Variants in LCOR observed in about 807,000 individuals in gnomAD.
The protein encoded by LCOR is ligand dependent nuclear receptor corepressor.
Under a neutral mutation model 64.4 loss-of-function variants are expected in LCOR, and 14 were observed. The ratio of observed to expected loss-of-function variants is 0.22; its 90% CI spans 0.14 to 0.34. The LOEUF is 0.34. Among genes scored for constraint, LCOR ranks in the 10% least tolerant of loss-of-function variants. The probability of loss-of-function intolerance (pLI) is 1.00; values close to 1 mark genes in which losing one functional copy is unlikely to be tolerated. For missense variants in LCOR, 1,686 were observed against 1,765.3 expected, an observed-to-expected ratio of 0.96 and a Z score of 0.80; for synonymous variants, 643 against 642.5, an observed-to-expected ratio of 1.00 and a Z score of -0.01.
At chr10:96,896,412 A>AT (rs766607004) in intron 2 of LCOR, among the ~76,000 whole-genome samples, 2 of 151,540 alleles carry the variant, frequency 1.3e-5, no homozygotes, top group African/African-American at 4.8e-5. Flanking sequence ...AGTTTTATTT[A>AT]TTATTATTAT....
intron 2 of LCOR, among the ~76,000 whole-genome samples, chr10:96,898,888 T>A (rs1460769571): frequency 6.6e-6 from 1 of 152,184 alleles, no homozygotes; most frequent in Non-Finnish European, 1.5e-5. Context: ...TTATTATAAT[T>A]GTTAAGATAA....
intron 2 of LCOR, among the ~76,000 whole-genome samples, chr10:96,873,923 T>C (rs1455179812): frequency 1.3e-5 from 2 of 152,116 alleles, no homozygotes; most frequent in Non-Finnish European, 2.9e-5. Context: ...ATGGAGTTTT[T>C]AGAAAACCAG....
intron 2 of LCOR, among the ~76,000 whole-genome samples, chr10:96,863,424 G>A (rs1279794222): frequency 6.7e-6 from 1 of 149,956 alleles, no homozygotes; most frequent in Non-Finnish European, 1.5e-5. Flanking sequence ...GCCTGGTCTC[G>A]AACTCCTGAC....
At position 96,989,695 on chromosome 10, in the gene LCOR, A is replaced by ATATTTTT. The variant is rs1371771053; in HGVS notation, c.*4562_*4563insATTTTTT. On this transcript the variant is annotated 3_prime_UTR_variant, in exon 8 of 8. Transcript: ENST00000421806. Reference sequence around the variant, plus strand: ...TAAGGATATATATATATATATATATATTTTTTTTTTTTTTTTTTTTTTTTA... The same window carrying ATATTTTT: ...TAAGGATATATATATATATATATATATATTTTTTTTTTTTTTTTTTTTTTTTTTTTTA... The ATATTTTT allele has an allele frequency of 1.2e-5, 1 of 86,190 alleles. No individual in the cohort carries two copies. The highest frequency in any genetic ancestry group is 6.2e-5 in the African/African-American group (1 of 16,156). 5.3% of individuals were successfully genotyped at this position (86,190 alleles called of 1,614,324 possible).
At chr10:96,853,120 C>T (rs986352887) in intron 2 of LCOR, among the ~76,000 whole-genome samples, 10 of 152,036 alleles carry the variant, frequency 6.6e-5, no homozygotes, top group Non-Finnish European at 1.0e-4. Context: ...GATCTTGGCT[C>T]ACCGCACTGC....
chr10:96,875,731 G>A (rs2134412214), intron 2 of LCOR, among the ~76,000 whole-genome samples: 1 of 151,992 alleles, frequency 6.6e-6, no homozygotes, highest in South Asian at 2.1e-4. Flanking sequence ...GTGTGGTGGG[G>A]TGCCTGTATA....
intron 4 of LCOR, among the ~76,000 whole-genome samples, chr10:96,941,194 C>A (rs1383922922): frequency 2.9e-5 from 4 of 138,842 alleles, no homozygotes; most frequent in East Asian, 2.1e-4. Flanking sequence ...GGGGGCTGAC[C>A]CCCCCACCTC....
chr10:96,837,850 G>C (rs745928074), intron 2 of LCOR, among the ~76,000 whole-genome samples: 1 of 152,178 alleles, frequency 6.6e-6, no homozygotes, highest in Non-Finnish European at 1.5e-5. Context: ...GGCTTGATTT[G>C]TTTCGATGTG....
chr10:96,958,303 G>A (rs1847817652), intron 7 of LCOR: 1 of 1,493,382 alleles, frequency 6.7e-7, no homozygotes, highest in African/African-American at 1.4e-5. Flanking sequence ...TTAATCCTAT[G>A]TGGTAGTCTA....
Position 96,986,962 on chromosome 10 carries a change from AGTATT to A in LCOR, c.*1829_*1833del, listed in dbSNP as rs1462639669. Reference sequence around the variant, plus strand: ...TGATGATTGGATAAGACTGGAGAAAAGTATTTGATTTGTGAGAAATTTAGAATTGT... The same window carrying A: ...TGATGATTGGATAAGACTGGAGAAAATGATTTGTGAGAAATTTAGAATTGT... On this transcript the variant is annotated 3_prime_UTR_variant, in exon 8 of 8. Transcript: ENST00000421806. 2 of 152,204 alleles carry A rather than the reference AGTATT, an allele frequency of 1.3e-5. No homozygotes were observed. Among genetic ancestry groups the A allele is most frequent in the Non-Finnish European group, 1.5e-5 (1 of 68,048 alleles). The allele number at this position is 152,204 out of a possible 1,614,324, so 9.4% of individuals were successfully genotyped here. A position where few individuals can be genotyped will look rare whatever the true frequency, so the allele number is the denominator to read the frequency against.
At chr10:96,976,015 A>G (rs7094471) in intron 7 of LCOR, among the ~76,000 whole-genome samples, 8,344 of 152,000 alleles carry the variant, frequency 0.055, 769 homozygotes, top group African/African-American at 0.19. Flanking sequence ...AACACACAAG[A>G]CCCCGTGTAA....
chr10:96,937,151 C>G (rs751228976), intron 4 of LCOR, among the ~76,000 whole-genome samples: 15 of 152,116 alleles, frequency 9.9e-5, no homozygotes, highest in Non-Finnish European at 1.6e-4. Context: ...GACTTGGAGA[C>G]ACAGACACAC....
intron 2 of LCOR, among the ~76,000 whole-genome samples, chr10:96,877,023 A>G (rs1846179387): frequency 6.6e-6 from 1 of 152,164 alleles, no homozygotes; most frequent in South Asian, 2.1e-4. Flanking sequence ...TTGTTCAGTC[A>G]TTATTATAAT....
chr10:96,889,176 A>G (rs1846397116), intron 2 of LCOR, among the ~76,000 whole-genome samples: 1 of 152,248 alleles, frequency 6.6e-6, no homozygotes, highest in Admixed American at 6.5e-5. Flanking sequence ...TTTCCTCCAT[A>G]ATATCCTTTA....
intron 2 of LCOR, among the ~76,000 whole-genome samples, chr10:96,890,886 C>T (rs903124433): frequency 6.6e-6 from 1 of 152,168 alleles, no homozygotes; most frequent in Non-Finnish European, 1.5e-5. Flanking sequence ...ACCAGCCTTG[C>T]ATCTCTGGGA....
intron 2 of LCOR, among the ~76,000 whole-genome samples, chr10:96,885,224 C>T (rs1330284572): frequency 2.0e-5 from 3 of 152,158 alleles, no homozygotes; most frequent in African/African-American, 7.2e-5. Context: ...AACATCACTT[C>T]TCATTTGAAA....
intron 2 of LCOR, among the ~76,000 whole-genome samples, chr10:96,898,551 T>C (rs981133190): frequency 2.0e-5 from 3 of 152,152 alleles, no homozygotes; most frequent in African/African-American, 7.2e-5. Flanking sequence ...GAGATGGTGG[T>C]GTGGGAGAAT....
intron 2 of LCOR, among the ~76,000 whole-genome samples, chr10:96,905,492 A>G (rs1276017629): frequency 2.0e-5 from 3 of 151,980 alleles, no homozygotes; most frequent in Admixed American, 6.6e-5. Flanking sequence ...TGTGGGATTT[A>G]TTTATTTTTT....
At chr10:96,920,751 T>TACACACACACACACACACAC (rs55839435) in intron 4 of LCOR, among the ~76,000 whole-genome samples, 2 of 118,864 alleles carry the variant, frequency 1.7e-5, no homozygotes, top group African/African-American at 7.8e-5. Flanking sequence ...TATATATGTA[T>TACACACACACACACACACAC]ACACACACAC....
Sources: allele counts gnomAD v4.1 joint callset (sites outside exome capture counted in the v4.1 genomes callset), GRCh38; gene constraint gnomAD v4.1.1; transcripts MANE v1.5; gene names NCBI Gene and HGNC (gene_info 2026-07-23, HGNC 2026-07-21).